Variants in AKT3 observed in about 807,000 individuals in gnomAD.
AKT3 encodes the protein AKT serine/threonine kinase 3, also known as RAC-gamma serine/threonine-protein kinase.
AKT3 carries 15 observed loss-of-function variants against 65.3 expected under a neutral mutation model. The observed-to-expected ratio is 0.23, with a 90% CI of 0.15 to 0.35. AKT3 has a LOEUF of 0.35. Among genes scored for constraint, AKT3 ranks in the 10% least tolerant of loss-of-function variants. The probability of loss-of-function intolerance (pLI) is 1.00; values close to 1 mark genes in which losing one functional copy is unlikely to be tolerated. For missense variants in AKT3, 243 were observed against 576.5 expected, an observed-to-expected ratio of 0.42 and a Z score of 5.92; for synonymous variants, 206 against 183.8, an observed-to-expected ratio of 1.12 and a Z score of -0.98.
chr1:243,557,842 A>G (rs895826336), intron 10 of AKT3, among the ~76,000 whole-genome samples: 1 of 152,000 alleles, frequency 6.6e-6, no homozygotes, highest in Admixed American at 6.6e-5. Flanking sequence ...TATCATATGA[A>G]TTATCAATAA....
intron 13 of AKT3, 24 bp downstream of exon 13, chr1:243,512,300 C>A: frequency 8.1e-7 from 1 of 1,229,460 alleles, no homozygotes. Context: ...AGAAATTTAT[C>A]AATTGCCTTC....
chr1:243,551,130 C>A (rs1468534262), intron 11 of AKT3, among the ~76,000 whole-genome samples: 1 of 151,936 alleles, frequency 6.6e-6, no homozygotes, highest in Non-Finnish European at 1.5e-5. Flanking sequence ...ATAAGAAATA[C>A]CAAATAGGCA....
At chr1:243,689,824 A>G (rs1039991125) in intron 3 of AKT3, among the ~76,000 whole-genome samples, 8 of 152,128 alleles carry the variant, frequency 5.3e-5, no homozygotes, top group African/African-American at 1.9e-4. Context: ...ATGCAGCTGT[A>G]GTCCCCAATA....
chr1:243,729,574 G>A lies in AKT3; in HGVS notation c.47-33858C>T, dbSNP rs1371273248. 2.6e-5 allele frequency among the ~76,000 whole-genome samples: 4 copies of A among 152,176 alleles called. No individual in the cohort carries two copies. The East Asian group carries it at 7.7e-4, about 29-fold the overall frequency. Reference sequence around the variant, plus strand: ...CTCATAAAAATCTACCTTAAAAAAAGATCTGAAATCTATCTTAACTGTCTA... The same window carrying A: ...CTCATAAAAATCTACCTTAAAAAAAAATCTGAAATCTATCTTAACTGTCTA... On this transcript the variant is annotated intron_variant, in intron 2 of 13. Transcript: ENST00000673466.
At chr1:243,515,653 C>T (rs1268142330) in intron 12 of AKT3, among the ~76,000 whole-genome samples, 1 of 152,096 alleles carries the variant, frequency 6.6e-6, no homozygotes, top group Admixed American at 6.5e-5. Context: ...AACATTTTAG[C>T]ATATATATTC....
At chr1:243,654,474 T>C (rs1681614274) in intron 4 of AKT3, among the ~76,000 whole-genome samples, 1 of 152,128 alleles carries the variant, frequency 6.6e-6, no homozygotes, top group Admixed American at 6.5e-5. Context: ...TGACAAATCT[T>C]ATCAAATTAT....
intron 2 of AKT3, among the ~76,000 whole-genome samples, chr1:243,709,952 G>C (rs1302495326): frequency 6.6e-6 from 1 of 151,970 alleles, no homozygotes; most frequent in African/African-American, 2.4e-5. Context: ...GTTCTAAAAA[G>C]TGCTACCACG....
intron 3 of AKT3, among the ~76,000 whole-genome samples, chr1:243,676,864 G>A (rs757718998): frequency 6.6e-6 from 1 of 152,066 alleles, no homozygotes; most frequent in Non-Finnish European, 1.5e-5. Flanking sequence ...GACCTCTTAG[G>A]TGGTCTCCCT....
At chr1:243,632,421 G>A (rs917654780) in intron 6 of AKT3, among the ~76,000 whole-genome samples, 64 of 152,086 alleles carry the variant, frequency 4.2e-4, no homozygotes, top group African/African-American at 1.4e-3. Context: ...TCTCCACAGC[G>A]GGCCTAAAAT....
At chr1:243,720,515 A>G (rs1686819889) in intron 2 of AKT3, among the ~76,000 whole-genome samples, 1 of 151,256 alleles carries the variant, frequency 6.6e-6, no homozygotes, top group African/African-American at 2.4e-5. Flanking sequence ...TATAATCTTC[A>G]TGTGTTTTAT....
At chr1:243,553,313 C>A (rs899336147) in intron 10 of AKT3, among the ~76,000 whole-genome samples, 1 of 152,152 alleles carries the variant, frequency 6.6e-6, no homozygotes, top group Non-Finnish European at 1.5e-5. Context: ...CTTCAAGTAA[C>A]AACTCAGAGC....
At chr1:243,836,026 A>C (rs556526472) in intron 2 of AKT3, among the ~76,000 whole-genome samples, 1 of 152,248 alleles carries the variant, frequency 6.6e-6, no homozygotes, top group East Asian at 1.9e-4. Context: ...CAAACAGAAA[A>C]CTCAATCATA....
chr1:243,777,537 T>C lies in AKT3; in HGVS notation c.46+65588A>G, dbSNP rs1228006474. Among the ~76,000 whole-genome samples, 5 of 152,314 alleles carry C rather than the reference T, an allele frequency of 3.3e-5. No individual in the cohort carries two copies. In the East Asian group the frequency reaches 9.6e-4, roughly 29 times the overall value. ...TTGGAAGGAATTTATCAGGGATCACTAGTGGAAGTAACATATAAGTTGTCT... is the reference window on the plus strand; with the variant it reads ...TTGGAAGGAATTTATCAGGGATCACCAGTGGAAGTAACATATAAGTTGTCT... On this transcript the variant is annotated intron_variant, in intron 2 of 13. Transcript: ENST00000673466.
At chr1:243,701,481 A>G (rs1685457997) in intron 2 of AKT3, among the ~76,000 whole-genome samples, 1 of 152,184 alleles carries the variant, frequency 6.6e-6, no homozygotes, top group African/African-American at 2.4e-5. Flanking sequence ...AATCGGGTAG[A>G]TTCACTGAGA....
chr1:243,767,861 T>C (rs1689930094), intron 2 of AKT3, among the ~76,000 whole-genome samples: 1 of 152,094 alleles, frequency 6.6e-6, no homozygotes, highest in Non-Finnish European at 1.5e-5. Flanking sequence ...AACAGAAATA[T>C]TTTAATTTTC....
intron 2 of AKT3, among the ~76,000 whole-genome samples, chr1:243,760,344 C>A (rs1329729831): frequency 1.7e-5 from 2 of 118,662 alleles, no homozygotes; most frequent in Non-Finnish European, 3.2e-5. Context: ...CCAGGCTAGT[C>A]TTGAACTCCT....
chr1:243,774,037 TGAG>T (rs1263304000), intron 2 of AKT3, among the ~76,000 whole-genome samples: 2 of 152,096 alleles, frequency 1.3e-5, no homozygotes. Flanking sequence ...GACCATTACA[TGAG>T]GAGTGTGAAA....
In AKT3 at chr1:243,503,571, C is replaced by T. The variant is rs1241537947; in HGVS notation, c.*1678G>A. ...CACAGGCTGCTTTGGAAATTGTCAGCTCCTAGCACCAAAGGGTTTAATCTG... is the reference window on the plus strand; with the variant it reads ...CACAGGCTGCTTTGGAAATTGTCAGTTCCTAGCACCAAAGGGTTTAATCTG... On this transcript the variant is annotated 3_prime_UTR_variant, in exon 14 of 14. Coordinates refer to ENST00000673466, the MANE Select transcript of AKT3 (RefSeq NM_005465.7). The T allele has an allele frequency of 8.6e-6, 2 of 233,238 alleles. No individual in the cohort carries two copies. The highest frequency in any genetic ancestry group is 4.4e-5 in the African/African-American group (2 of 45,310). 14.4% of individuals were successfully genotyped at this position (233,238 alleles called of 1,614,324 possible).
At chr1:243,748,543 A>C (rs1194227462) in intron 2 of AKT3, among the ~76,000 whole-genome samples, 1 of 152,234 alleles carries the variant, frequency 6.6e-6, no homozygotes, top group African/African-American at 2.4e-5. Flanking sequence ...TCAGCAGATA[A>C]GTAAATAAAA....
Sources: gnomAD v4.1 joint callset for allele counts (sites outside exome capture counted in the v4.1 genomes callset) on GRCh38, gnomAD v4.1.1 for gene constraint, MANE v1.5 for transcripts, NCBI Gene and HGNC (gene_info 2026-07-23, HGNC 2026-07-21) for gene names.